STXBP5L: variants seen among roughly 807,000 people sequenced by gnomAD.
STXBP5L encodes syntaxin-binding protein 5-like.
STXBP5L carries 65 observed loss-of-function variants against 144.5 expected under a neutral mutation model. The ratio of observed to expected loss-of-function variants is 0.45; its 90% CI spans 0.37 to 0.55. The LOEUF is 0.55. Among genes scored for constraint, STXBP5L ranks in the 20% least tolerant of loss-of-function variants. The pLI is 0.00. For missense variants in STXBP5L, 1,298 were observed against 1,405.5 expected, an observed-to-expected ratio of 0.92 and a Z score of 1.22; for synonymous variants, 505 against 469.6, an observed-to-expected ratio of 1.08 and a Z score of -0.97.
intron 10 of STXBP5L, among the ~76,000 whole-genome samples, chr3:121,217,102 T>C (rs2048804499): frequency 6.6e-6 from 1 of 152,118 alleles, no homozygotes; most frequent in African/African-American, 2.4e-5. Context: ...AACCAGTGGA[T>C]CTTAGCTTGC....
At chr3:121,166,217 G>T (rs2046493343) in intron 9 of STXBP5L, among the ~76,000 whole-genome samples, 1 of 151,906 alleles carries the variant, frequency 6.6e-6, no homozygotes, top group Non-Finnish European at 1.5e-5. Context: ...TGTTGCCTGG[G>T]CTGGTCTCAA....
intron 2 of STXBP5L, among the ~76,000 whole-genome samples, chr3:120,941,403 A>G (rs1347050321): frequency 6.6e-6 from 1 of 151,826 alleles, no homozygotes; most frequent in Non-Finnish European, 1.5e-5. Flanking sequence ...CTGTTCTAAC[A>G]TCCTAGCATT....
chr3:121,211,110 A>G (rs549086859), intron 10 of STXBP5L, among the ~76,000 whole-genome samples: 10 of 152,140 alleles, frequency 6.6e-5, no homozygotes, highest in African/African-American at 9.6e-5. Flanking sequence ...ATTTTGTTGA[A>G]CAGTGGTTTG....
At chr3:121,114,052 G>T (rs928894732) in intron 5 of STXBP5L, among the ~76,000 whole-genome samples, 1 of 151,994 alleles carries the variant, frequency 6.6e-6, no homozygotes, top group African/African-American at 2.4e-5. Context: ...AAATTTATTG[G>T]TCTGTCTGAC....
intron 3 of STXBP5L, among the ~76,000 whole-genome samples, chr3:121,018,344 G>C (rs1945289848): frequency 1.3e-5 from 2 of 152,064 alleles, no homozygotes; most frequent in Non-Finnish European, 2.9e-5. Context: ...CAGTAATTAA[G>C]ACAGTGTTGT....
At chr3:121,365,623 A>G (rs1216864861) in intron 20 of STXBP5L, among the ~76,000 whole-genome samples, 1 of 151,436 alleles carries the variant, frequency 6.6e-6, no homozygotes, top group African/African-American at 2.4e-5. Flanking sequence ...TAATGTCCCC[A>G]TTTTCACTTC....
chr3:120,990,133 C>A (rs1284067834), intron 3 of STXBP5L, among the ~76,000 whole-genome samples: 1 of 152,084 alleles, frequency 6.6e-6, no homozygotes, highest in African/African-American at 2.4e-5. Flanking sequence ...AATCAATGGG[C>A]AAAAATCACA....
At chr3:121,124,475 A>G (rs963169402) in intron 7 of STXBP5L, among the ~76,000 whole-genome samples, 11 of 151,920 alleles carry the variant, frequency 7.2e-5, no homozygotes, top group African/African-American at 2.7e-4. Context: ...ATAACTATAA[A>G]TTTTTTTATA....
chr3:121,091,286 A>G (rs1303171377), intron 5 of STXBP5L, among the ~76,000 whole-genome samples: 2 of 147,404 alleles, frequency 1.4e-5, no homozygotes, highest in Non-Finnish European at 3.0e-5. Flanking sequence ...TCCTTTGGGT[A>G]TATACCCAGT....
chr3:121,191,832 A>C (rs1255100454), intron 9 of STXBP5L, among the ~76,000 whole-genome samples: 1 of 152,096 alleles, frequency 6.6e-6, no homozygotes, highest in Non-Finnish European at 1.5e-5. Context: ...ATCACTCAGC[A>C]AATTATTGCA....
chr3:121,304,261 A>T (rs907065018), intron 19 of STXBP5L, among the ~76,000 whole-genome samples: 9 of 152,184 alleles, frequency 5.9e-5, no homozygotes, highest in Non-Finnish European at 1.0e-4. Flanking sequence ...CAAAACTAGA[A>T]ATAGACAATT....
At chr3:121,249,055 A>G (rs137921919) in intron 14 of STXBP5L, among the ~76,000 whole-genome samples, 10 of 152,060 alleles carry the variant, frequency 6.6e-5, no homozygotes, top group African/African-American at 2.2e-4. Flanking sequence ...GCCTTATAGT[A>G]TAGTTTGAAG....
chr3:121,399,538 CATT>C (rs1273187644), intron 22 of STXBP5L, among the ~76,000 whole-genome samples: 7 of 152,330 alleles, frequency 4.6e-5, no homozygotes, highest in African/African-American at 1.7e-4. Flanking sequence ...GCAAGCCAGT[CATT>C]AGCATTGTTT....
Position 121,054,222 on chromosome 3 carries a change from C to A in STXBP5L, c.470+8687C>A, listed in dbSNP as rs1327560002. Among the ~76,000 whole-genome samples the A allele has an allele frequency of 2.6e-5, 4 of 152,150 alleles. No individual in the cohort carries two copies. In the East Asian group the frequency reaches 5.8e-4, roughly 22 times the overall value. Reference sequence around the variant, plus strand: ...TCTAGAACTAGAAATACCATTTGACCCAGCCATCCCATTACTGGGTATATA... The same window carrying A: ...TCTAGAACTAGAAATACCATTTGACACAGCCATCCCATTACTGGGTATATA... On this transcript the variant is annotated intron_variant, in intron 5 of 26. Transcript: ENST00000471454.
chr3:121,273,561 A>G (rs775810107), intron 18 of STXBP5L, among the ~76,000 whole-genome samples: 4 of 152,050 alleles, frequency 2.6e-5, no homozygotes, highest in Non-Finnish European at 4.4e-5. Flanking sequence ...AAGGTTATCA[A>G]AGTTTTCAAC....
chr3:120,971,842 C>G (rs7624738), intron 3 of STXBP5L, among the ~76,000 whole-genome samples: 15,011 of 150,776 alleles, frequency 0.1, 1,166 homozygotes, highest in Admixed American at 0.2. Context: ...GTATAATATA[C>G]TATTATAATA....
chr3:121,140,061 T>C, intron 7 of STXBP5L, among the ~76,000 whole-genome samples: 1 of 151,996 alleles, frequency 6.6e-6, no homozygotes, highest in East Asian at 1.9e-4. Context: ...AAAATTAAAA[T>C]AGATTAAATA....
chr3:121,233,591 T>G, intron 11 of STXBP5L, 25 bp from the exon 12 acceptor site: 1 of 1,586,122 alleles, frequency 6.3e-7, no homozygotes, highest in Admixed American at 1.7e-5. Flanking sequence ...TATGAAAACT[T>G]TTCATTTTTT....
intron 2 of STXBP5L, among the ~76,000 whole-genome samples, chr3:120,915,298 T>G (rs1463925020): frequency 6.6e-6 from 1 of 152,160 alleles, no homozygotes; most frequent in Non-Finnish European, 1.5e-5. Flanking sequence ...CTAGCCTCAT[T>G]TGACGATGTT....
Sources: allele counts gnomAD v4.1 joint callset (sites outside exome capture counted in the v4.1 genomes callset), GRCh38; gene constraint gnomAD v4.1.1; transcripts MANE v1.5; gene names NCBI Gene and HGNC (gene_info 2026-07-23, HGNC 2026-07-21).